ITPR1: variants seen among roughly 807,000 people sequenced by gnomAD.
ITPR1 encodes the protein inositol 1,4,5-trisphosphate-gated calcium channel ITPR1.
In ITPR1, 96 loss-of-function variants were observed where a neutral mutation model predicts 318.4. That is an observed-to-expected ratio of 0.30 (90% confidence interval 0.26 to 0.36). The LOEUF is 0.36. ITPR1 is among the 10% of genes least tolerant of loss of function. The probability of loss-of-function intolerance (pLI) is 1.00; values close to 1 mark genes in which losing one functional copy is unlikely to be tolerated. For missense variants in ITPR1, 2,440 were observed against 3,460.2 expected, an observed-to-expected ratio of 0.71 and a Z score of 7.40; for synonymous variants, 1,312 against 1,289.9, an observed-to-expected ratio of 1.02 and a Z score of -0.37.
intron 11 of ITPR1, among the ~76,000 whole-genome samples, 160 bp downstream of exon 11, chr3:4,652,378 A>G (rs959308992): frequency 6.6e-6 from 1 of 152,168 alleles, no homozygotes. Context: ...TCATTTTCCT[A>G]GAAGACTCAA....
At chr3:4,546,175 CT>C (rs2084977467) in intron 4 of ITPR1, among the ~76,000 whole-genome samples, 1 of 152,088 alleles carries the variant, frequency 6.6e-6, no homozygotes, top group Non-Finnish European at 1.5e-5. Flanking sequence ...ATTTTTCCCC[CT>C]CTTCTTGAGT....
intron 2 of ITPR1, among the ~76,000 whole-genome samples, chr3:4,514,989 C>G (rs1355383833): frequency 6.6e-6 from 1 of 152,196 alleles, no homozygotes; most frequent in African/African-American, 2.4e-5. Flanking sequence ...TATCTTCCCT[C>G]AAGGTCTAGA....
Position 4,665,352 on chromosome 3 carries a change from A to G in ITPR1, c.1713+56A>G. 3 of 1,529,220 alleles carry G rather than the reference A, an allele frequency of 2.0e-6. No homozygotes were observed. The South Asian group carries it at 3.7e-5, about 19-fold the overall frequency. The allele number at this position is 1,529,220 out of a possible 1,614,324, so 94.7% of individuals were successfully genotyped here. A position where few individuals can be genotyped will look rare whatever the true frequency, so the allele number is the denominator to read the frequency against. ...GTCAGTTTCCTCCCTGAAGTTTGTG[A>G]ACTTTCCTCCTGAGTTTTTAGTGTC... On this transcript the variant is annotated intron_variant, in intron 17 of 61. Transcript: ENST00000649015.
chr3:4,553,576 G>A (rs576090425), intron 4 of ITPR1, among the ~76,000 whole-genome samples: 6 of 151,090 alleles, frequency 4.0e-5, no homozygotes, highest in East Asian at 2.0e-4. Context: ...GACTACAAGC[G>A]CGTGCCACCA....
intron 49 of ITPR1, 48 bp from the exon 50 acceptor site, chr3:4,782,571 T>C (rs1474509657): frequency 6.4e-7 from 1 of 1,565,092 alleles, no homozygotes; most frequent in African/African-American, 1.4e-5. Context: ...CAGTCCTGTG[T>C]GGGTCTTCCT....
At chr3:4,629,638 A>G (rs1244170730) in intron 5 of ITPR1, among the ~76,000 whole-genome samples, 1 of 152,224 alleles carries the variant, frequency 6.6e-6, no homozygotes, top group Non-Finnish European at 1.5e-5. Flanking sequence ...GCTAGGTGCT[A>G]GAGATAGAAG....
intron 4 of ITPR1, among the ~76,000 whole-genome samples, chr3:4,568,580 G>A (rs1232111123): frequency 6.6e-6 from 1 of 152,180 alleles, no homozygotes; most frequent in Non-Finnish European, 1.5e-5. Context: ...TCAAGATCTT[G>A]AAAGTCTTGC....
chr3:4,504,469 T>C (rs2081261532), intron 2 of ITPR1, among the ~76,000 whole-genome samples: 1 of 152,186 alleles, frequency 6.6e-6, no homozygotes, highest in East Asian at 1.9e-4. Flanking sequence ...GAAAGCATAA[T>C]ACAATTTTCT....
At chr3:4,581,625 A>G (rs552813500) in intron 4 of ITPR1, among the ~76,000 whole-genome samples, 11 of 152,214 alleles carry the variant, frequency 7.2e-5, no homozygotes, top group Non-Finnish European at 1.2e-4. Flanking sequence ...TGCAGACTCC[A>G]CTGTATAAAG....
At chr3:4,792,387 T>C (rs749018562) in intron 52 of ITPR1, among the ~76,000 whole-genome samples, 1 of 152,234 alleles carries the variant, frequency 6.6e-6, no homozygotes, top group Non-Finnish European at 1.5e-5. Context: ...GTATAACAAA[T>C]TGCCCCAACA....
chr3:4,512,915 G>A (rs954840983), intron 2 of ITPR1, among the ~76,000 whole-genome samples: 1 of 143,008 alleles, frequency 7.0e-6, no homozygotes, highest in African/African-American at 2.7e-5. Context: ...GAGCGCCTAA[G>A]CCTGCCCTCG....
intron 4 of ITPR1, among the ~76,000 whole-genome samples, chr3:4,597,182 GA>G (rs2090895632): frequency 6.6e-6 from 1 of 152,174 alleles, no homozygotes; most frequent in Non-Finnish European, 1.5e-5. Context: ...AGGTGGATTT[GA>G]ATGTGAAATT....
chr3:4,547,884 A>G (rs1275348980), intron 4 of ITPR1, among the ~76,000 whole-genome samples: 1 of 152,062 alleles, frequency 6.6e-6, no homozygotes, highest in Non-Finnish European at 1.5e-5. Flanking sequence ...TTTGAGTATC[A>G]TTCAGATTAT....
chr3:4,668,506 C>T (rs2094000550), intron 18 of ITPR1, among the ~76,000 whole-genome samples: 1 of 151,744 alleles, frequency 6.6e-6, no homozygotes, highest in South Asian at 2.1e-4. Context: ...CTCGCTCTGT[C>T]ACCCAGGCTG....
intron 4 of ITPR1, among the ~76,000 whole-genome samples, chr3:4,575,083 ATATGT>A (rs1283168014): frequency 1.3e-5 from 2 of 152,346 alleles, no homozygotes; most frequent in South Asian, 2.1e-4. Context: ...TTTCTTGCAA[ATATGT>A]TATATTTTAG....
intron 4 of ITPR1, among the ~76,000 whole-genome samples, chr3:4,592,625 G>C (rs576963518): frequency 7.2e-5 from 11 of 152,076 alleles, no homozygotes; most frequent in African/African-American, 2.7e-4. Flanking sequence ...TTTCATCTTT[G>C]CTTCCCTCTA....
At chr3:4,516,901 T>A (rs1433812134) in intron 3 of ITPR1, among the ~76,000 whole-genome samples, 1 of 152,220 alleles carries the variant, frequency 6.6e-6, no homozygotes, top group East Asian at 1.9e-4. Flanking sequence ...TGGAATAAAG[T>A]GTAAAGATGA....
At chr3:4,739,677 T>C (rs1243676368) in intron 44 of ITPR1, among the ~76,000 whole-genome samples, 1 of 152,214 alleles carries the variant, frequency 6.6e-6, no homozygotes, top group South Asian at 2.1e-4. Flanking sequence ...TGTCACTGAA[T>C]AACCACCTAA....
chr3:4,830,136 G>A (rs964928397), intron 60 of ITPR1, among the ~76,000 whole-genome samples: 5 of 151,582 alleles, frequency 3.3e-5, no homozygotes, highest in African/African-American at 1.2e-4. Context: ...ACCATGCCCA[G>A]CTAATTTTTT....
Sources: allele counts gnomAD v4.1 joint callset (sites outside exome capture counted in the v4.1 genomes callset), GRCh38; gene constraint gnomAD v4.1.1; transcripts MANE v1.5; gene names NCBI Gene and HGNC (gene_info 2026-07-23, HGNC 2026-07-21).